RAX2: variants seen among roughly 807,000 people sequenced by gnomAD.
RAX2 encodes retina and anterior neural fold homeobox protein 2.
Under a neutral mutation model 5.8 loss-of-function variants are expected in RAX2, and 4 were observed. That is an observed-to-expected ratio of 0.69 (90% CI 0.34 to 1.58). The LOEUF (loss-of-function observed/expected upper bound fraction) is 1.58. Ranked by LOEUF, RAX2 falls within the 40% of genes most tolerant of loss-of-function variation. The pLI is 0.05. For missense variants in RAX2, 275 were observed against 271.4 expected (o/e 1.01, Z -0.09); for synonymous variants, 133 against 128.8 (o/e 1.03, Z -0.22).
intron 2 of RAX2, 29 bp from the exon 3 acceptor site, chr19:3,770,988 G>A (rs1453219727): frequency 3.3e-6 from 5 of 1,505,216 alleles, no homozygotes; most frequent in Non-Finnish European, 4.5e-6. Flanking sequence ...AAGGGGGGTT[G>A]CTGTGAGCTC....
rs1446527517 is a variant in RAX2 at position 3,770,979 on chromosome 19, AG to A, written c.217-21del. On this transcript the variant is annotated intron_variant, in intron 2 of 2. Transcript: ENST00000555633. ...CCACACCTGGAGGGTGCGAGAGGGAAGGGGGGTTGCTGTGAGCTCAGCCGCT... is the reference window on the plus strand; with the variant it reads ...CCACACCTGGAGGGTGCGAGAGGGAAGGGGGTTGCTGTGAGCTCAGCCGCT... 3.3e-6 allele frequency: 5 copies of A among 1,533,322 alleles called. No individual in the cohort carries two copies. The highest frequency in any genetic ancestry group is 2.4e-5 in the East Asian group (1 of 42,286). The allele number at this position is 1,533,322 out of a possible 1,614,324, so 95.0% of individuals were successfully genotyped here.
chr19:3,771,774 G>A lies in RAX2; in HGVS notation c.-32C>T. The A allele has an allele frequency of 1.3e-6, 2 of 1,557,536 alleles. No individual in the cohort carries two copies. The highest frequency in any genetic ancestry group is 1.7e-6 in the Non-Finnish European group (2 of 1,154,614). On this transcript the variant is annotated 5_prime_UTR_variant, in exon 2 of 3. Transcript: ENST00000555633. This position sits in a 1 kb window ranked among gnomAD's most constrained non-coding sequence, Gnocchi z 4.2. ...CACCTGGTGGGACGGCAGCGGGACA[G>A]ATGGTGGGGAGACGGCTGGGGGGGC...
Position 3,770,455 on chromosome 19 carries a change from G to T in RAX2, c.*166C>A. 1.6e-6 allele frequency: 1 copy of T among 608,454 alleles called. No homozygotes were observed. Among genetic ancestry groups the T allele is most frequent in the Non-Finnish European group, 2.8e-6 (1 of 359,640 alleles). 37.7% of individuals were successfully genotyped at this position (608,454 alleles called of 1,614,324 possible). A position where few individuals can be genotyped will look rare whatever the true frequency, so the allele number is the denominator to read the frequency against. On this transcript the variant is annotated 3_prime_UTR_variant, in exon 3 of 3. Transcript: ENST00000555633. ...GGGGTGGGAGACGGGATGGGGGCAGGGAACCCAGCAGCCTGTCTCTCTGGT... is the reference window on the plus strand; with the variant it reads ...GGGGTGGGAGACGGGATGGGGGCAGTGAACCCAGCAGCCTGTCTCTCTGGT...
At position 3,771,690 on chromosome 19, in the gene RAX2, G is replaced by T. The variant is rs778194719; in HGVS notation, c.53C>A (p.Pro18Gln). The T allele has an allele frequency of 1.9e-6, 3 of 1,611,952 alleles. No individual in the cohort carries two copies. Among genetic ancestry groups the T allele is most frequent in the Non-Finnish European group, 2.5e-6 (3 of 1,179,836 alleles). ...GPATEGGGLG[P>Q]GEEAPKKKHR... is the part of the protein sequence containing the mutation. ...CTTCTTCTTGGGGGCCTCCTCGCCC[G>T]GCCCCAGACCCCCACCCTCGGTTGC... The change falls in exon 2 of 3, where the codon CCG (proline) becomes CAG (glutamine). Residue 18 changes from proline to glutamine, a missense_variant. Coordinates refer to ENST00000555633, the MANE Select transcript of RAX2 (RefSeq NM_001319074.4). The surrounding 1 kb of genome is among the most constrained non-coding windows in gnomAD (Gnocchi z 4.2).
chr19:3,770,977 G>A lies in RAX2; in HGVS notation c.217-18C>T. On this transcript the variant is annotated intron_variant, in intron 2 of 2. Transcript: ENST00000555633. Reference sequence around the variant, plus strand: ...AACCACACCTGGAGGGTGCGAGAGGGAAGGGGGGTTGCTGTGAGCTCAGCC... The same window carrying A: ...AACCACACCTGGAGGGTGCGAGAGGAAAGGGGGGTTGCTGTGAGCTCAGCC... 5.2e-6 allele frequency: 8 copies of A among 1,536,480 alleles called. No individual in the cohort carries two copies. The highest frequency in any genetic ancestry group is 7.0e-6 in the Non-Finnish European group (8 of 1,142,482).
rs1203569849 is a variant in RAX2 at position 3,770,712 on chromosome 19, A to G, written c.464T>C (p.Phe155Ser). ...SFGPHAFAPTFADGFALEEAS... is the reference protein window; with the variant it reads ...SFGPHAFAPTSADGFALEEAS... ...CTCCTCCAGGGCGAAGCCATCTGCG[A>G]AGGTGGGAGCAAAGGCATGAGGCCC... Residue 155 changes from phenylalanine (F) to serine (S), a missense_variant, in exon 3 of 3, where the codon TTC becomes TCC. Phe to Ser is a radical substitution (Grantham distance 155). Transcript: ENST00000555633. 4 of 1,535,618 alleles carry G rather than the reference A, an allele frequency of 2.6e-6. No individual in the cohort carries two copies. The highest frequency in any genetic ancestry group is 3.5e-6 in the Non-Finnish European group (4 of 1,146,370).
Position 3,769,304 on chromosome 19 carries a change from G to A in RAX2, c.*1317C>T, listed in dbSNP as rs1397310167. On this transcript the variant is annotated 3_prime_UTR_variant, in exon 3 of 3. Transcript: ENST00000555633. ...GTTTGTGGAGATGGGGTCTTGCTGTGTCACCCAGGCTGGTCTCAAGCAATC... is the reference window on the plus strand; with the variant it reads ...GTTTGTGGAGATGGGGTCTTGCTGTATCACCCAGGCTGGTCTCAAGCAATC... 1 of 152,108 alleles carries A rather than the reference G, an allele frequency of 6.6e-6. No homozygotes were observed. The highest frequency in any genetic ancestry group is 2.4e-5 in the African/African-American group (1 of 41,352). 9.4% of individuals were successfully genotyped at this position (152,108 alleles called of 1,614,324 possible).
rs56745522 is a variant in RAX2 at position 3,772,030 on chromosome 19, C to CG, written c.-268-21dup. 8,816 of 377,792 alleles carry CG rather than the reference C, an allele frequency of 0.023. 41 individuals carry two copies. Among genetic ancestry groups the CG allele is most frequent in the South Asian group, 0.047 (1,877 of 39,938 alleles). The allele number at this position is 377,792 out of a possible 1,614,324, so 23.4% of individuals were successfully genotyped here. On this transcript the variant is annotated intron_variant, in intron 1 of 2. Transcript: ENST00000555633. ...CACGGCCTGTGTGTGTGTGTGTCGG[C>CG]GGGGGGGGGTCAAGGATGCCCCCCC...
chr19:3,770,345 G>A lies in RAX2; in HGVS notation c.*276C>T, dbSNP rs936340074. The A allele has an allele frequency of 4.0e-6, 2 of 494,294 alleles. No individual in the cohort carries two copies. Among genetic ancestry groups the A allele is most frequent in the African/African-American group, 4.1e-5 (2 of 49,052 alleles). The allele number at this position is 494,294 out of a possible 1,614,324, so 30.6% of individuals were successfully genotyped here. A position where few individuals can be genotyped will look rare whatever the true frequency, so the allele number is the denominator to read the frequency against. ...GACTGAGGCCCCAGGAGGGGAGGAG[G>A]TCCCCGCACCTGGCCTGAGAATACT... On this transcript the variant is annotated 3_prime_UTR_variant, in exon 3 of 3. Transcript: ENST00000555633.
In RAX2 at chr19:3,771,577, T is replaced by G. The variant is rs1404557350; in HGVS notation, c.166A>C (p.Ser56Arg). The G allele has an allele frequency of 1.2e-6, 2 of 1,611,190 alleles. No individual in the cohort carries two copies. Among genetic ancestry groups the G allele is most frequent in the African/African-American group, 2.7e-5 (2 of 74,894 alleles). Residue 56 changes from serine to arginine, a missense_variant, in exon 2 of 3, where the codon AGC becomes CGC. Coordinates refer to ENST00000555633, the MANE Select transcript of RAX2 (RefSeq NM_001319074.4). The surrounding 1 kb of genome is among the most constrained non-coding windows in gnomAD (Gnocchi z 4.2). Reference protein sequence around the residue: ...FEASHYPDVYSREELAAKVHL... With the variant: ...FEASHYPDVYRREELAAKVHL... Reference sequence around the variant, plus strand: ...ACCTTGGCTGCCAGCTCCTCACGGCTGTACACATCCGGGTAGTGAGAGGCC... The same window carrying G: ...ACCTTGGCTGCCAGCTCCTCACGGCGGTACACATCCGGGTAGTGAGAGGCC...
rs777683734 is a variant in RAX2, at chr19:3,771,796, G to A, written c.-54C>T. The A allele has an allele frequency of 1.3e-6, 2 of 1,525,806 alleles. No homozygotes were observed. Among genetic ancestry groups the A allele is most frequent in the South Asian group, 1.2e-5 (1 of 83,408 alleles). The allele number at this position is 1,525,806 out of a possible 1,614,324, so 94.5% of individuals were successfully genotyped here. A position where few individuals can be genotyped will look rare whatever the true frequency, so the allele number is the denominator to read the frequency against. ...ACAGATGGTGGGGAGACGGCTGGGG[G>A]GGCTACCGGCAGGGACAGGGCAGGG... is the stretch of plus-strand genomic sequence containing the variant. On this transcript the variant is annotated 5_prime_UTR_variant, in exon 2 of 3. Transcript: ENST00000555633. The surrounding 1 kb of genome is among the most constrained non-coding windows in gnomAD (Gnocchi z 4.2).
Position 3,771,925 on chromosome 19 carries a change from TC to T in RAX2, c.-184del. The T allele has an allele frequency of 8.8e-7, 1 of 1,133,042 alleles. No homozygotes were observed. The highest frequency in any genetic ancestry group is 1.2e-6 in the Non-Finnish European group (1 of 823,240). The allele number at this position is 1,133,042 out of a possible 1,614,324, so 70.2% of individuals were successfully genotyped here. On this transcript the variant is annotated 5_prime_UTR_variant, in exon 2 of 3. Coordinates refer to ENST00000555633, the MANE Select transcript of RAX2 (RefSeq NM_001319074.4). The surrounding 1 kb of genome is among the most constrained non-coding windows in gnomAD (Gnocchi z 4.2). The stretch of plus-strand genomic sequence containing the variant: ...TGTCCTCCTCGGGCTTGGGGGGGTC[TC>T]CTGCTGTGCCTCTGTCTGCTCTTCC...
intron 1 of RAX2, 33 bp from the exon 2 acceptor site, chr19:3,772,043 A>C (rs2037272070): frequency 2.1e-6 from 1 of 483,890 alleles, no homozygotes; most frequent in African/African-American, 2.1e-5. Context: ...GGGGGGGTCA[A>C]GGATGCCCCC....
At position 3,770,546 on chromosome 19, in the gene RAX2, G is replaced by T. The variant is rs2037242699; in HGVS notation, c.*75C>A. The T allele has an allele frequency of 1.5e-6, 2 of 1,367,008 alleles. No individual in the cohort carries two copies. The highest frequency in any genetic ancestry group is 1.3e-5 in the South Asian group (1 of 77,678). The allele number at this position is 1,367,008 out of a possible 1,614,324, so 84.7% of individuals were successfully genotyped here. A position where few individuals can be genotyped will look rare whatever the true frequency, so the allele number is the denominator to read the frequency against. ...CTCCATGACCTCGGCCTAGGCCAAG[G>T]CGTGGTGGCTGTCACCAGGGCACGT... On this transcript the variant is annotated 3_prime_UTR_variant, in exon 3 of 3. Coordinates refer to ENST00000555633, the MANE Select transcript of RAX2 (RefSeq NM_001319074.4).
rs1599187298 is a variant in RAX2, at chr19:3,771,873, G to T, written c.-131C>A. ...GGGGAAATCGGTTCCCTCCACTGGG[G>T]CCGGCATGCGCTCTGCATCCCCAGG... On this transcript the variant is annotated 5_prime_UTR_variant, in exon 2 of 3. Transcript: ENST00000555633. The surrounding 1 kb of genome is among the most constrained non-coding windows in gnomAD (Gnocchi z 4.2). 2.8e-6 allele frequency: 4 copies of T among 1,448,482 alleles called. No individual in the cohort carries two copies. Among genetic ancestry groups the T allele is most frequent in the Non-Finnish European group, 3.6e-6 (4 of 1,103,192 alleles). The allele number at this position is 1,448,482 out of a possible 1,614,324, so 89.7% of individuals were successfully genotyped here.
At position 3,772,014 on chromosome 19, in the gene RAX2, T is replaced by G; in HGVS notation, c.-268-4A>C. On this transcript the variant is annotated splice_region_variant and splice_polypyrimidine_tract_variant and intron_variant, in intron 1 of 2. Transcript: ENST00000555633. Reference sequence around the variant, plus strand: ...CCCTCTCTGTGACTGTCACGGCCTGTGTGTGTGTGTGTCGGCGGGGGGGGG... The same window carrying G: ...CCCTCTCTGTGACTGTCACGGCCTGGGTGTGTGTGTGTCGGCGGGGGGGGG... The G allele has an allele frequency of 5.9e-5, 28 of 474,156 alleles. No homozygotes were observed. Among genetic ancestry groups the G allele is most frequent in the East Asian group, 1.5e-4 (4 of 26,794 alleles). 29.4% of individuals were successfully genotyped at this position (474,156 alleles called of 1,614,324 possible). A position where few individuals can be genotyped will look rare whatever the true frequency, so the allele number is the denominator to read the frequency against.
rs567369136 is a variant in RAX2 at position 3,771,238 on chromosome 19, T to G, written c.217-279A>C. Among the ~76,000 whole-genome samples, 7 of 152,266 alleles carry G rather than the reference T, an allele frequency of 4.6e-5. No individual in the cohort carries two copies. In the East Asian group the frequency reaches 9.7e-4, roughly 21 times the overall value. The stretch of plus-strand genomic sequence containing the variant: ...TGGCATTCAAGGCCTTCAAAAGCGT[T>G]GTTACCCACACCATTCTCTGCCTCC... On this transcript the variant is annotated intron_variant, in intron 2 of 2. Coordinates refer to ENST00000555633, the MANE Select transcript of RAX2 (RefSeq NM_001319074.4). This position sits in a 1 kb window ranked among gnomAD's most constrained non-coding sequence, Gnocchi z 4.2.
Position 3,770,844 on chromosome 19 carries a change from G to A in RAX2, c.332C>T (p.Pro111Leu). ...PEAPALPFAR[P>L]PAMSLPLEPW... ...CTCCAGGGGCAGCGACATGGCCGGG[G>A]GGCGGGCGAACGGCAGCGCTGGGGC... Residue 111 changes from proline (P) to leucine (L), a missense_variant, in exon 3 of 3, where the codon CCC becomes CTC. Coordinates refer to ENST00000555633, the MANE Select transcript of RAX2 (RefSeq NM_001319074.4). 6.5e-7 allele frequency: 1 copy of A among 1,528,034 alleles called. No individual in the cohort carries two copies. The highest frequency in any genetic ancestry group is 2.0e-5 in the Admixed American group (1 of 50,650). 94.7% of individuals were successfully genotyped at this position (1,528,034 alleles called of 1,614,324 possible).
Position 3,771,507 on chromosome 19 carries a change from G to C in RAX2, c.216+20C>G. The C allele has an allele frequency of 6.4e-7, 1 of 1,563,026 alleles. No individual in the cohort carries two copies. The highest frequency in any genetic ancestry group is 1.2e-5 in the South Asian group (1 of 85,888). ...CCTCCCCAGGTTGCAAAAGATGTGT[G>C]TGTTGGGGGGTGCCCTCACCTGCAC... On this transcript the variant is annotated intron_variant, in intron 2 of 2. Coordinates refer to ENST00000555633, the MANE Select transcript of RAX2 (RefSeq NM_001319074.4). The surrounding 1 kb of genome is among the most constrained non-coding windows in gnomAD (Gnocchi z 4.2).
Sources: allele counts gnomAD v4.1 joint callset (sites outside exome capture counted in the v4.1 genomes callset), GRCh38; gene constraint gnomAD v4.1.1; non-coding constraint Gnocchi (gnomAD v3.1); transcripts MANE v1.5; gene names NCBI Gene and HGNC (gene_info 2026-07-23, HGNC 2026-07-21).